Variants in ATP8B4 observed in about 807,000 individuals in gnomAD.
The protein encoded by ATP8B4 is ATPase phospholipid transporting 8B4 (putative), also known as probable phospholipid-transporting ATPase IM.
A neutral mutation model predicts 145.6 loss-of-function variants in ATP8B4; 133 were observed. The observed-to-expected ratio is 0.91, with a 90% CI of 0.79 to 1.05. ATP8B4 has a LOEUF of 1.05. Ranked by LOEUF, ATP8B4 falls within the 50% of genes least tolerant of loss-of-function variation. ATP8B4 has a pLI of 0.00. For missense variants in ATP8B4, 1,458 were observed against 1,425.2 expected (o/e 1.02, Z -0.37); for synonymous variants, 507 against 492.9 (o/e 1.03, Z -0.38).
At chr15:49,980,828 T>G (rs563069131) in intron 11 of ATP8B4, among the ~76,000 whole-genome samples, 63 of 152,184 alleles carry the variant, frequency 4.1e-4, no homozygotes, top group Non-Finnish European at 8.2e-4. Context: ...GTTACACAGA[T>G]CACACACCCG....
chr15:50,029,196 C>T (rs990823638), intron 6 of ATP8B4, among the ~76,000 whole-genome samples: 1 of 139,070 alleles, frequency 7.2e-6, no homozygotes, highest in African/African-American at 2.7e-5. Context: ...TCACGCCACA[C>T]GCCACTGCAC....
intron 14 of ATP8B4, among the ~76,000 whole-genome samples, chr15:49,955,322 A>T (rs1319848919): frequency 1.3e-5 from 2 of 152,206 alleles, no homozygotes; most frequent in African/African-American, 4.8e-5. Context: ...CGATTCTAAA[A>T]CAAAAATGGG....
intron 23 of ATP8B4, among the ~76,000 whole-genome samples, chr15:49,889,358 T>C (rs1464772853): frequency 6.6e-6 from 1 of 152,198 alleles, no homozygotes; most frequent in Non-Finnish European, 1.5e-5. Flanking sequence ...ACAAGATACA[T>C]ACTTTTTGTT....
chr15:49,891,927 A>G (rs1355326870), intron 23 of ATP8B4, among the ~76,000 whole-genome samples: 2 of 152,128 alleles, frequency 1.3e-5, no homozygotes, highest in Non-Finnish European at 2.9e-5. Context: ...CATCCTGGCT[A>G]ACATGGTGAA....
chr15:49,859,183 T>C lies in ATP8B4; in HGVS notation c.*1011A>G, dbSNP rs778824522. 9 of 152,230 alleles carry C rather than the reference T, an allele frequency of 5.9e-5. No individual in the cohort carries two copies. The highest frequency in any genetic ancestry group is 1.0e-4 in the Non-Finnish European group (7 of 68,026). 9.4% of individuals were successfully genotyped at this position (152,230 alleles called of 1,614,324 possible). A position where few individuals can be genotyped will look rare whatever the true frequency, so the allele number is the denominator to read the frequency against. On this transcript the variant is annotated 3_prime_UTR_variant, in exon 28 of 28. Transcript: ENST00000284509. ...TTACTACATGTTTGAATTATAAACA[T>C]GACAGCTGAGTATCAAAAGCAACTA...
At chr15:50,128,657 G>GA (rs144952035) in intron 1 of ATP8B4, among the ~76,000 whole-genome samples, 8,152 of 152,284 alleles carry the variant, frequency 0.054, 758 homozygotes, top group African/African-American at 0.19. Context: ...ATTTGAACTG[G>GA]AAAAGACTGT....
intron 3 of ATP8B4, among the ~76,000 whole-genome samples, chr15:50,072,970 C>G (rs866918725): frequency 1.6e-4 from 5 of 31,786 alleles, no homozygotes; most frequent in African/African-American, 6.6e-4. Context: ...CTCTCTCTCT[C>G]TCTCTCTCTC....
chr15:50,010,300 C>A (rs1051753711), intron 7 of ATP8B4, among the ~76,000 whole-genome samples: 1 of 151,958 alleles, frequency 6.6e-6, no homozygotes, highest in Non-Finnish European at 1.5e-5. Context: ...GAAATTATAA[C>A]ATAGGCCATT....
At chr15:49,988,070 G>A (rs2046769678) in intron 9 of ATP8B4, among the ~76,000 whole-genome samples, 1 of 152,156 alleles carries the variant, frequency 6.6e-6, no homozygotes, top group African/African-American at 2.4e-5. Context: ...TGCCACATGA[G>A]TCTGAGAATG....
At chr15:50,178,914 T>C (rs1361807703) in intron 1 of ATP8B4, among the ~76,000 whole-genome samples, 1 of 152,162 alleles carries the variant, frequency 6.6e-6, no homozygotes, top group African/African-American at 2.4e-5. Context: ...AAGAAGTCGT[T>C]ACTTATTTTG....
chr15:49,875,491 A>G (rs1262662378), intron 25 of ATP8B4, among the ~76,000 whole-genome samples: 2 of 152,218 alleles, frequency 1.3e-5, no homozygotes, highest in Non-Finnish European at 2.9e-5. Flanking sequence ...AATAAAACAG[A>G]GGTCACATAG....
chr15:50,115,683 G>A (rs1483837922), intron 1 of ATP8B4, among the ~76,000 whole-genome samples: 1 of 151,984 alleles, frequency 6.6e-6, no homozygotes, highest in East Asian at 1.9e-4. Flanking sequence ...GGTAAGAGCT[G>A]GATTCTGAAA....
chr15:49,949,219 T>A (rs1291603241), intron 14 of ATP8B4, among the ~76,000 whole-genome samples: 4 of 152,172 alleles, frequency 2.6e-5, no homozygotes, highest in African/African-American at 9.7e-5. Flanking sequence ...ACAATGGTAG[T>A]TTGATGGGAA....
intron 3 of ATP8B4, among the ~76,000 whole-genome samples, chr15:50,073,093 ATGTG>A (rs893316121): frequency 6.9e-6 from 1 of 145,438 alleles, no homozygotes. Context: ...GTGTATATAT[ATGTG>A]TGTGTGTGTT....
intron 2 of ATP8B4, among the ~76,000 whole-genome samples, chr15:50,087,079 G>T (rs1435570735): frequency 2.8e-5 from 3 of 106,828 alleles, no homozygotes; most frequent in Non-Finnish European, 3.4e-5. Context: ...ATAATATAGA[G>T]ATCTATATTA....
At chr15:50,101,234 T>C (rs939249750) in intron 2 of ATP8B4, among the ~76,000 whole-genome samples, 14 of 152,076 alleles carry the variant, frequency 9.2e-5, no homozygotes, top group Non-Finnish European at 1.6e-4. Context: ...TTCTCAGGTA[T>C]GGTGATGATA....
At chr15:50,074,463 A>G (rs2054051195) in intron 2 of ATP8B4, among the ~76,000 whole-genome samples, 1 of 152,150 alleles carries the variant, frequency 6.6e-6, no homozygotes, top group African/African-American at 2.4e-5. Context: ...CACCACAAAG[A>G]CCCTTTCTCT....
At position 49,920,402 on chromosome 15, in the gene ATP8B4, T is replaced by A; in HGVS notation, c.1767A>T (p.Ala589=). The change falls in exon 18 of 28, where the codon GCA becomes GCT. Residue 589 remains alanine (A), a synonymous_variant. Transcript: ENST00000284509. ...TGGCCAAGGTCCGAAGGCCTTCCCC[T>A]GCAAATTCCTGCCAGAGATGACATA... The part of the protein sequence containing the change: ...SLTSDHLSEF[A]GEGLRTLAIA... The A allele has an allele frequency of 1.9e-6, 3 of 1,612,138 alleles. No individual in the cohort carries two copies. Among genetic ancestry groups the A allele is most frequent in the Non-Finnish European group, 2.5e-6 (3 of 1,179,242 alleles).
intron 1 of ATP8B4, among the ~76,000 whole-genome samples, chr15:50,142,576 T>C (rs1349408911): frequency 1.3e-5 from 2 of 152,156 alleles, no homozygotes; most frequent in Admixed American, 1.3e-4. Context: ...TTGAAGAACA[T>C]CTTGGCAGCT....
Sources: allele counts gnomAD v4.1 joint callset (sites outside exome capture counted in the v4.1 genomes callset), GRCh38; gene constraint gnomAD v4.1.1; transcripts MANE v1.5; gene names NCBI Gene and HGNC (gene_info 2026-07-23, HGNC 2026-07-21).